The following MTOR variants were observed in gnomAD, a reference collection of about 807,000 sequenced individuals.
The protein encoded by MTOR is serine/threonine-protein kinase mTOR.
Under a neutral mutation model 319.8 loss-of-function variants are expected in MTOR, and 70 were observed. The ratio of observed to expected loss-of-function variants is 0.22; its 90% confidence interval spans 0.18 to 0.27. The LOEUF is 0.27. Ranked by LOEUF, MTOR falls within the 10% of genes least tolerant of loss-of-function variation. The pLI is 1.00. For missense variants in MTOR, 1,890 were observed against 3,274.4 expected (o/e 0.58, Z 10.32); for synonymous variants, 1,183 against 1,211.4 (o/e 0.98, Z 0.49).
At chr1:11,198,618 G>A (rs540358127) in intron 28 of MTOR, among the ~76,000 whole-genome samples, 1 of 152,152 alleles carries the variant, frequency 6.6e-6, no homozygotes, top group Non-Finnish European at 1.5e-5. Flanking sequence ...TAATCATTAG[G>A]GGAAGTGAAT....
At chr1:11,163,654 G>A (rs1644548911) in intron 29 of MTOR, among the ~76,000 whole-genome samples, 1 of 152,168 alleles carries the variant, frequency 6.6e-6, no homozygotes, top group African/African-American at 2.4e-5. Flanking sequence ...CAACTACATG[G>A]AAACTGAACA....
At position 11,127,605 on chromosome 1, in the gene MTOR, C is replaced by T. The variant is rs191923194; in HGVS notation, c.6216+19G>A. The T allele has an allele frequency of 6.5e-5, 103 of 1,585,874 alleles. No individual in the cohort carries two copies. The East Asian group carries it at 1.8e-3, about 27-fold the overall frequency. On this transcript the variant is annotated intron_variant, in intron 44 of 57. Coordinates refer to ENST00000361445, the MANE Select transcript of MTOR (RefSeq NM_004958.4). The surrounding 1 kb of genome is among the most constrained non-coding windows in gnomAD (Gnocchi z 5.5). ...ATATTTCTACAGGGTTATGTCCTTT[C>T]GTGTTTTTTACCCCATACCTGATTA...
rs953838336 is a variant in MTOR, at chr1:11,154,523, C to CTCTA, written c.4469+2628_4469+2629insTAGA. On this transcript the variant is annotated intron_variant, in intron 30 of 57. Transcript: ENST00000361445. Reference sequence around the variant, plus strand: ...TAATTGTGGAATATTATCTCTCTCTCTATATATATATATATGATCCAATGC... The same window carrying CTCTA: ...TAATTGTGGAATATTATCTCTCTCTCTCTATATATATATATATATGATCCAATGC... Among the ~76,000 whole-genome samples, 67 of 149,686 alleles carry CTCTA rather than the reference C, an allele frequency of 4.5e-4. 1 individual carries two copies. The East Asian group carries it at 0.011, about 25-fold the overall frequency.
At chr1:11,172,740 A>T (rs959734831) in intron 28 of MTOR, among the ~76,000 whole-genome samples, 3 of 151,388 alleles carry the variant, frequency 2.0e-5, no homozygotes, top group African/African-American at 7.3e-5. Context: ...GTGGTGGCGA[A>T]CGCCTGTAAT....
intron 8 of MTOR, among the ~76,000 whole-genome samples, chr1:11,246,652 T>G (rs763791848): frequency 6.6e-6 from 1 of 152,196 alleles, no homozygotes; most frequent in Non-Finnish European, 1.5e-5. Flanking sequence ...TAGGGTCTGC[T>G]GAGGGCCAGG....
intron 1 of MTOR, among the ~76,000 whole-genome samples, chr1:11,261,760 A>T (rs1651164150): frequency 6.6e-6 from 1 of 152,016 alleles, no homozygotes; most frequent in Non-Finnish European, 1.5e-5. Context: ...TGCTAAGAAA[A>T]CTACTCCAGT....
At position 11,128,214 on chromosome 1, in the gene MTOR, T is replaced by C. The variant is rs2100415940; in HGVS notation, c.5911-88A>G. ...ATTTTAAGGAGAATAACAAAACAAG[T>C]GGTGAGTGTGACATTAACATCTGCT... On this transcript the variant is annotated intron_variant, in intron 42 of 57. Coordinates refer to ENST00000361445, the MANE Select transcript of MTOR (RefSeq NM_004958.4). The surrounding 1 kb of genome is among the most constrained non-coding windows in gnomAD (Gnocchi z 5.3). 1 of 1,542,794 alleles carries C rather than the reference T, an allele frequency of 6.5e-7. No individual in the cohort carries two copies. The highest frequency in any genetic ancestry group is 1.8e-5 in the Admixed American group (1 of 56,588).
chr1:11,205,623 T>C (rs1484419048), intron 25 of MTOR, among the ~76,000 whole-genome samples: 2 of 152,212 alleles, frequency 1.3e-5, no homozygotes, highest in African/African-American at 2.4e-5. Context: ...GGCAAATTAC[T>C]TGTATTTTGC....
In MTOR at chr1:11,129,042, G is replaced by T; in HGVS notation, c.5715-91C>A. The stretch of plus-strand genomic sequence containing the variant: ...CTCTAAGGCTCCTGAGAAGAGAGCT[G>T]GCAGGGACTCCAACCAGTAACTCTC... On this transcript the variant is annotated intron_variant, in intron 40 of 57. Transcript: ENST00000361445. This position sits in a 1 kb window ranked among gnomAD's most constrained non-coding sequence, Gnocchi z 4.7. 1 of 1,051,494 alleles carries T rather than the reference G, an allele frequency of 9.5e-7. No individual in the cohort carries two copies. The highest frequency in any genetic ancestry group is 1.4e-6 in the Non-Finnish European group (1 of 701,188). 65.1% of individuals were successfully genotyped at this position (1,051,494 alleles called of 1,614,324 possible). A position where few individuals can be genotyped will look rare whatever the true frequency, so the allele number is the denominator to read the frequency against.
At chr1:11,202,965 C>A (rs1356400084) in intron 26 of MTOR, among the ~76,000 whole-genome samples, 2 of 152,020 alleles carry the variant, frequency 1.3e-5, no homozygotes, top group Non-Finnish European at 2.9e-5. Flanking sequence ...GTAATCCCAG[C>A]ACTCTGGGAG....
intron 29 of MTOR, among the ~76,000 whole-genome samples, chr1:11,162,809 G>A (rs1218425634): frequency 3.3e-5 from 5 of 152,186 alleles, no homozygotes; most frequent in East Asian, 3.9e-4. Context: ...AGGAACAACC[G>A]GTACCAGCCA....
At chr1:11,242,348 T>A (rs1158845774) in intron 9 of MTOR, among the ~76,000 whole-genome samples, 1 of 151,650 alleles carries the variant, frequency 6.6e-6, no homozygotes, top group African/African-American at 2.4e-5. Context: ...AAAAATACAA[T>A]TATTAGCTTG....
intron 28 of MTOR, among the ~76,000 whole-genome samples, chr1:11,186,645 G>A (rs1645330916): frequency 6.6e-6 from 1 of 152,166 alleles, no homozygotes; most frequent in African/African-American, 2.4e-5. Flanking sequence ...GGATTTAAAA[G>A]CCTCTTTCAG....
At chr1:11,158,103 G>A (rs1644372093) in intron 29 of MTOR, among the ~76,000 whole-genome samples, 1 of 152,152 alleles carries the variant, frequency 6.6e-6, no homozygotes, top group Non-Finnish European at 1.5e-5. Flanking sequence ...ATGATCAGGA[G>A]ACTGTTTTAT....
Position 11,212,383 on chromosome 1 carries a change from C to T in MTOR, c.3490G>A (p.Asp1164Asn). The change falls in exon 23 of 58, where the codon GAC becomes AAC. Residue 1164 changes from aspartate (D) to asparagine (N), a missense_variant. This residue lies in a region of MTOR where 377 missense variants were observed against 653.9 expected (regional missense o/e 0.58). Transcript: ENST00000361445. The surrounding 1 kb of genome is among the most constrained non-coding windows in gnomAD (Gnocchi z 4.1). ...GTGGAGCGCAGTTCTGGGCTCTGGT[C>T]CAGTGTTCGAACAATAGGGTGAATG... ...RIIHPIVRTL[D>N]QSPELRSTAM... 6.2e-7 allele frequency: 1 copy of T among 1,614,120 alleles called. No homozygotes were observed. The highest frequency in any genetic ancestry group is 2.2e-5 in the East Asian group (1 of 44,870).
At chr1:11,190,199 T>C (rs966035839) in intron 28 of MTOR, among the ~76,000 whole-genome samples, 4 of 152,238 alleles carry the variant, frequency 2.6e-5, no homozygotes, top group Non-Finnish European at 5.9e-5. Context: ...AGATACTACA[T>C]GGTTTGCCCA....
rs1570969959 is a variant in MTOR at position 11,139,522 on chromosome 1, T to C, written c.4998+11A>G. 3.1e-6 allele frequency: 5 copies of C among 1,614,064 alleles called. No homozygotes were observed. The highest frequency in any genetic ancestry group is 1.6e-4 in the Middle Eastern group (1 of 6,062). On this transcript the variant is annotated intron_variant, in intron 35 of 57. Coordinates refer to ENST00000361445, the MANE Select transcript of MTOR (RefSeq NM_004958.4). ...CCTACCTGCCCATGTGGGTGGGTGG[T>C]TGTCACTCACCAGCCTGCCACTCTT...
At chr1:11,258,375 T>C in intron 3 of MTOR, 110 bp downstream of exon 3, 1 of 770,814 alleles carries the variant, frequency 1.3e-6, no homozygotes, top group Non-Finnish European at 2.1e-6. Context: ...CACGGGCTTC[T>C]TAAATTTCAT....
At position 11,253,845 on chromosome 1, in the gene MTOR, C is replaced by T. The variant is rs1390716005; in HGVS notation, c.834G>A (p.Glu278=). Residue 278 remains glutamate (E), a synonymous_variant, in exon 6 of 58, where the codon GAG becomes GAA. Coordinates refer to ENST00000361445, the MANE Select transcript of MTOR (RefSeq NM_004958.4). The part of the protein sequence containing the change: ...LNELVRISSM[E]GERLREEMEE... ...CTCTGCCGTGGCTTCTCACCTCTCCCTCCATGCTGCTGATTCGGACCAGCT... is the reference window on the plus strand; with the variant it reads ...CTCTGCCGTGGCTTCTCACCTCTCCTTCCATGCTGCTGATTCGGACCAGCT... The T allele has an allele frequency of 6.2e-7, 1 of 1,614,156 alleles. No individual in the cohort carries two copies. The highest frequency in any genetic ancestry group is 2.2e-5 in the East Asian group (1 of 44,888).
Sources: allele counts gnomAD v4.1 joint callset (sites outside exome capture counted in the v4.1 genomes callset), GRCh38; gene constraint gnomAD v4.1.1; regional missense constraint gnomAD v4.1.1; non-coding constraint Gnocchi (gnomAD v3.1); transcripts MANE v1.5; gene names NCBI Gene and HGNC (gene_info 2026-07-23, HGNC 2026-07-21).